Variants in FLI1 observed in about 807,000 individuals in gnomAD.
The protein encoded by FLI1 is Friend leukemia integration 1 transcription factor.
FLI1 carries 13 observed loss-of-function variants against 53.1 expected under a neutral mutation model. The observed-to-expected ratio is 0.24, with a 90% CI of 0.16 to 0.39. FLI1 has a LOEUF of 0.39. FLI1 is among the 10% of genes least tolerant of loss of function. FLI1 has a pLI of 1.00. For missense variants in FLI1, 424 were observed against 600.5 expected (o/e 0.71, Z 3.07); for synonymous variants, 244 against 236.7 (o/e 1.03, Z -0.28).
At chr11:128,697,842 C>T (rs1211072917) in intron 1 of FLI1, among the ~76,000 whole-genome samples, 1 of 152,140 alleles carries the variant, frequency 6.6e-6, no homozygotes, top group Non-Finnish European at 1.5e-5. Context: ...TCAAAACCCT[C>T]CAGGAATGTA....
chr11:128,766,604 G>C (rs974143648), intron 2 of FLI1, among the ~76,000 whole-genome samples: 6 of 151,784 alleles, frequency 4.0e-5, no homozygotes, highest in African/African-American at 1.5e-4. Context: ...AATGTGCTCA[G>C]GCCTCCCCGC....
At chr11:128,714,710 C>CTTTTT (rs11381734) in intron 1 of FLI1, among the ~76,000 whole-genome samples, 5 of 121,648 alleles carry the variant, frequency 4.1e-5, no homozygotes, top group Non-Finnish European at 4.9e-5. Flanking sequence ...CTTGAAGGAC[C>CTTTTT]TTTTTTTTTT....
chr11:128,745,937 C>A (rs1432844258), intron 1 of FLI1, among the ~76,000 whole-genome samples: 1 of 152,202 alleles, frequency 6.6e-6, no homozygotes, highest in Admixed American at 6.5e-5. Flanking sequence ...CGGATAAGAT[C>A]ATAGCTTCTA....
At chr11:128,770,483 A>G (rs1188194725) in intron 3 of FLI1, among the ~76,000 whole-genome samples, 1 of 152,192 alleles carries the variant, frequency 6.6e-6, no homozygotes, top group East Asian at 1.9e-4. Context: ...TGTGGGCCCT[A>G]GTTAATCACT....
intron 1 of FLI1, among the ~76,000 whole-genome samples, chr11:128,747,026 A>G (rs1419207008): frequency 6.6e-6 from 1 of 152,174 alleles, no homozygotes; most frequent in African/African-American, 2.4e-5. Flanking sequence ...CTGCAGGAAG[A>G]GGCTGCTCCC....
At chr11:128,774,825 A>G (rs148933811) in intron 4 of FLI1, among the ~76,000 whole-genome samples, 187 of 152,334 alleles carry the variant, frequency 1.2e-3, no homozygotes, top group Middle Eastern at 3.4e-3. Flanking sequence ...ACTTCCTGCC[A>G]CCGAACAATG....
Position 128,810,820 on chromosome 11 carries a change from G to A in FLI1, c.1191G>A (p.Lys397=), listed in dbSNP as rs201109280. 8 of 1,614,008 alleles carry A rather than the reference G, an allele frequency of 5.0e-6. No individual in the cohort carries two copies. The Admixed American group carries it at 1.2e-4, about 24-fold the overall frequency. The change falls in exon 9 of 9, where the codon AAG becomes AAA. Residue 397 remains lysine, a synonymous_variant. Transcript: ENST00000527786. The surrounding 1 kb of genome is among the most constrained non-coding windows in gnomAD (Gnocchi z 6.6). ...CTTCCTACCATGCCCACCAGCAGAA[G>A]GTGAACTTTGTCCCTCCCCATCCAT... ...YMPSYHAHQQ[K]VNFVPPHPSS...
chr11:128,713,478 C>G (rs1479486251), intron 1 of FLI1, among the ~76,000 whole-genome samples: 1 of 152,156 alleles, frequency 6.6e-6, no homozygotes, highest in Non-Finnish European at 1.5e-5. Flanking sequence ...GGCAGAAACT[C>G]TGGCCATTTG....
chr11:128,782,167 C>G, intron 5 of FLI1, 144 bp downstream of exon 5: 1 of 679,260 alleles, frequency 1.5e-6, no homozygotes. Flanking sequence ...AAATTTTCGC[C>G]ACTTGTGCTA....
At chr11:128,719,593 T>C (rs1939171533) in intron 1 of FLI1, among the ~76,000 whole-genome samples, 1 of 152,134 alleles carries the variant, frequency 6.6e-6, no homozygotes, top group Admixed American at 6.5e-5. Flanking sequence ...CTGGTGGACT[T>C]GAAGGGCAAC....
At chr11:128,705,595 G>GCC (rs1938513048) in intron 1 of FLI1, among the ~76,000 whole-genome samples, 1 of 152,116 alleles carries the variant, frequency 6.6e-6, no homozygotes, top group Non-Finnish European at 1.5e-5. Context: ...GTTTTGCGAG[G>GCC]TTAAAAGGAA....
At chr11:128,785,705 C>T (rs1942057192) in intron 5 of FLI1, among the ~76,000 whole-genome samples, 1 of 152,222 alleles carries the variant, frequency 6.6e-6, no homozygotes, top group Admixed American at 6.5e-5. Context: ...GCCCTTAGTT[C>T]TGACAGCACA....
At chr11:128,706,603 A>G (rs1411223770) in intron 1 of FLI1, among the ~76,000 whole-genome samples, 1 of 152,190 alleles carries the variant, frequency 6.6e-6, no homozygotes, top group Non-Finnish European at 1.5e-5. Context: ...TGGAAGCAGA[A>G]CTCAAGTATT....
chr11:128,708,132 C>T (rs1164201999), intron 1 of FLI1, among the ~76,000 whole-genome samples: 1 of 152,182 alleles, frequency 6.6e-6, no homozygotes, highest in African/African-American at 2.4e-5. Flanking sequence ...AAGGTGGGTG[C>T]CTTGGTTTCC....
intron 1 of FLI1, among the ~76,000 whole-genome samples, chr11:128,728,425 C>A (rs960767577): frequency 1.3e-5 from 2 of 152,290 alleles, no homozygotes; most frequent in African/African-American, 4.8e-5. Flanking sequence ...TTAGCTGTGT[C>A]ACCTCTGGAG....
chr11:128,768,931 A>G (rs936390409), intron 3 of FLI1, among the ~76,000 whole-genome samples: 25 of 152,208 alleles, frequency 1.6e-4, no homozygotes, highest in Non-Finnish European at 2.8e-4. Context: ...CCTGCCTGTG[A>G]GGAGGAGGTC....
intron 1 of FLI1, among the ~76,000 whole-genome samples, chr11:128,733,598 T>C (rs1035747067): frequency 6.6e-6 from 1 of 152,136 alleles, no homozygotes; most frequent in Non-Finnish European, 1.5e-5. Flanking sequence ...CTAGAATTTG[T>C]TGGGTGTCAC....
At chr11:128,714,330 G>A (rs998940756) in intron 1 of FLI1, among the ~76,000 whole-genome samples, 1 of 152,110 alleles carries the variant, frequency 6.6e-6, no homozygotes, top group Non-Finnish European at 1.5e-5. Flanking sequence ...TCATGCTGCA[G>A]TTTCCTCAAC....
At chr11:128,714,231 A>T (rs1239432915) in intron 1 of FLI1, among the ~76,000 whole-genome samples, 1 of 150,326 alleles carries the variant, frequency 6.7e-6, no homozygotes, top group Non-Finnish European at 1.5e-5. Context: ...AAAAAACGGC[A>T]ACTCTTTGGC....
Sources: allele counts gnomAD v4.1 joint callset (sites outside exome capture counted in the v4.1 genomes callset), GRCh38; gene constraint gnomAD v4.1.1; non-coding constraint Gnocchi (gnomAD v3.1); transcripts MANE v1.5; gene names NCBI Gene and HGNC (gene_info 2026-07-23, HGNC 2026-07-21).